Variants in RUFY1 observed in about 807,000 individuals in gnomAD.
The protein encoded by RUFY1 is RUN and FYVE domain-containing protein 1.
RUFY1 carries 54 observed loss-of-function variants against 94.6 expected under a neutral mutation model. The observed-to-expected ratio is 0.57, with a 90% CI of 0.46 to 0.72. The LOEUF is 0.72. Among genes scored for constraint, RUFY1 ranks in the 30% least tolerant of loss-of-function variants. The pLI, the probability that RUFY1 is intolerant of heterozygous loss-of-function variation, is 0.00. For synonymous variants in RUFY1, 396 were observed against 347.3 expected (o/e 1.14, Z -1.56); for missense variants, 883 against 883.9 (o/e 1.00, Z 0.01).
chr5:179,580,748 C>A (rs1403411354), intron 6 of RUFY1, among the ~76,000 whole-genome samples, 199 bp from the exon 7 acceptor site: 2 of 152,016 alleles, frequency 1.3e-5, no homozygotes, highest in African/African-American at 4.8e-5. Context: ...GGCAGCCTGG[C>A]CCTGGAGACG....
chr5:179,557,299 G>A (rs1046941636), intron 1 of RUFY1, among the ~76,000 whole-genome samples: 12 of 152,154 alleles, frequency 7.9e-5, no homozygotes, highest in African/African-American at 2.7e-4. Flanking sequence ...GCATGGTGGC[G>A]GGCACCTGTA....
At chr5:179,600,028 G>A (rs1766182198) in intron 14 of RUFY1, 1 of 152,264 alleles carries the variant, frequency 6.6e-6, no homozygotes, top group African/African-American at 2.4e-5. Flanking sequence ...GAAGTGGAGG[G>A]CAGAAGAGGA....
At position 179,560,105 on chromosome 5, in the gene RUFY1, G is replaced by T; in HGVS notation, c.391G>T (p.Ala131Ser). The change falls in exon 2 of 18, where the codon GCT becomes TCT. Residue 131 changes from alanine (A) to serine (S), a missense_variant. Ala to Ser is a moderately conservative substitution (Grantham distance 99, BLOSUM62 1). Transcript: ENST00000319449. ...KLSIKVLLQS[A>S]LSLGRSLDAD... ...CAGCATCAAGGTGTTGCTCCAGTCGGCTCTGAGCCTGGGCCGCAGCCTGGA... is the reference window on the plus strand; with the variant it reads ...CAGCATCAAGGTGTTGCTCCAGTCGTCTCTGAGCCTGGGCCGCAGCCTGGA... 1 of 1,614,068 alleles carries T rather than the reference G, an allele frequency of 6.2e-7. No individual in the cohort carries two copies. Among genetic ancestry groups the T allele is most frequent in the Non-Finnish European group, 8.5e-7 (1 of 1,180,000 alleles).
At chr5:179,589,254 G>T in intron 8 of RUFY1, 2 of 334,884 alleles carry the variant, frequency 6.0e-6, no homozygotes, top group Non-Finnish European at 1.1e-5. Flanking sequence ...CTAATTTTTT[G>T]TGTCTATAAA....
At position 179,580,895 on chromosome 5, in the gene RUFY1, G is replaced by C. The variant is rs1581485041; in HGVS notation, c.891-52G>C. ...TGGAATATTGGGGAACAGTTACAAAGTATTAACCATTAATAAAAAAAAGTT... is the reference window on the plus strand; with the variant it reads ...TGGAATATTGGGGAACAGTTACAAACTATTAACCATTAATAAAAAAAAGTT... On this transcript the variant is annotated intron_variant, in intron 6 of 17. Coordinates refer to ENST00000319449, the MANE Select transcript of RUFY1 (RefSeq NM_025158.5). 4 of 996,440 alleles carry C rather than the reference G, an allele frequency of 4.0e-6. No homozygotes were observed. In the East Asian group the frequency reaches 9.6e-5, roughly 24 times the overall value. The allele number at this position is 996,440 out of a possible 1,614,324, so 61.7% of individuals were successfully genotyped here. A position where few individuals can be genotyped will look rare whatever the true frequency, so the allele number is the denominator to read the frequency against.
intron 10 of RUFY1, among the ~76,000 whole-genome samples, chr5:179,591,962 T>C (rs1203025433): frequency 2.0e-5 from 3 of 152,236 alleles, no homozygotes; most frequent in African/African-American, 7.2e-5. Context: ...GGGTTTTTTT[T>C]CAAGACGGAG....
At chr5:179,589,975 C>T (rs1193126472) in intron 9 of RUFY1, among the ~76,000 whole-genome samples, 1 of 152,164 alleles carries the variant, frequency 6.6e-6, no homozygotes, top group African/African-American at 2.4e-5. Flanking sequence ...TCCCATTGCT[C>T]TTTGTGTCCT....
chr5:179,555,645 T>TTTTTC, intron 1 of RUFY1: 1 of 258,398 alleles, frequency 3.9e-6, no homozygotes, highest in African/African-American at 3.3e-5. Context: ...TTTTTTTTTT[T>TTTTTC]TGAGCCGGCG....
chr5:179,572,222 G>A, intron 5 of RUFY1: 1 of 297,232 alleles, frequency 3.4e-6, no homozygotes, highest in Non-Finnish European at 6.9e-6. Context: ...CCTGGTGGAT[G>A]GCGCCTTCCA....
intron 3 of RUFY1, among the ~76,000 whole-genome samples, chr5:179,564,220 A>G (rs28607444): frequency 0.41 from 60,949 of 147,712 alleles, 12,887 homozygotes; most frequent in East Asian, 0.73. Context: ...CCTGGGTTCC[A>G]GCGATTCTCC....
At chr5:179,579,598 C>G (rs959341232) in intron 6 of RUFY1, among the ~76,000 whole-genome samples, 3 of 149,632 alleles carry the variant, frequency 2.0e-5, no homozygotes, top group African/African-American at 4.9e-5. Flanking sequence ...TCCCAAAGTA[C>G]TGGGATTACA....
intron 1 of RUFY1, among the ~76,000 whole-genome samples, chr5:179,559,515 G>A (rs972846396): frequency 1.3e-5 from 2 of 152,198 alleles, no homozygotes; most frequent in Admixed American, 1.3e-4. Context: ...CTTCTGGGCG[G>A]GGTGCGCATC....
At chr5:179,559,859 A>C (rs1581422763) in intron 1 of RUFY1, 166 bp from the exon 2 acceptor site, 1 of 1,413,668 alleles carries the variant, frequency 7.1e-7, no homozygotes, top group Non-Finnish European at 9.2e-7. Context: ...GCCTCTAGGG[A>C]TCAGGGACTA....
At chr5:179,589,417 AAAC>A in intron 8 of RUFY1, 126 bp from the exon 9 acceptor site, 1 of 647,904 alleles carries the variant, frequency 1.5e-6, no homozygotes, top group Non-Finnish European at 2.8e-6. Flanking sequence ...TACCTATTGA[AAAC>A]AAGGAAATAA....
chr5:179,578,940 G>A (rs542887188), intron 6 of RUFY1, among the ~76,000 whole-genome samples: 3 of 152,226 alleles, frequency 2.0e-5, no homozygotes, highest in African/African-American at 2.4e-5. Flanking sequence ...CACCGCTCCC[G>A]GCCCCATTTA....
chr5:179,595,006 G>A lies in RUFY1; in HGVS notation c.1511+43G>A, dbSNP rs377451901. On this transcript the variant is annotated intron_variant, in intron 12 of 17. Transcript: ENST00000319449. ...GCAGATATTCTCGGGAAGGCTCTGA[G>A]CATTCCCTGGGCCTGGAGACTTATT... 3.7e-5 allele frequency: 51 copies of A among 1,379,182 alleles called. No individual in the cohort carries two copies. In the African/African-American group the frequency reaches 6.2e-4, roughly 17 times the overall value. The allele number at this position is 1,379,182 out of a possible 1,614,324, so 85.4% of individuals were successfully genotyped here. A position where few individuals can be genotyped will look rare whatever the true frequency, so the allele number is the denominator to read the frequency against.
At chr5:179,557,384 C>G (rs1259670255) in intron 1 of RUFY1, among the ~76,000 whole-genome samples, 1 of 152,094 alleles carries the variant, frequency 6.6e-6, no homozygotes, top group Non-Finnish European at 1.5e-5. Context: ...GAGCCAAGAT[C>G]GTGCCATTGC....
rs1034414014 is a variant in RUFY1, at chr5:179,567,561, A to C, written c.703A>C (p.Ser235Arg). 6.3e-7 allele frequency: 1 copy of C among 1,593,714 alleles called. No homozygotes were observed. Among genetic ancestry groups the C allele is most frequent in the East Asian group, 2.2e-5 (1 of 44,786 alleles). The stretch of plus-strand genomic sequence containing the variant: ...GCTTATAGACAATAAACATCTCTTA[A>C]GGTATTTCATCAACCATGTTTGCTT... ...KVLIDNKHLL[S>R]EFYEPEALMM... The change falls in exon 4 of 18, where the codon AGC becomes CGC. Residue 235 changes from serine (S) to arginine (R), a missense_variant and splice_region_variant. Coordinates refer to ENST00000319449, the MANE Select transcript of RUFY1 (RefSeq NM_025158.5).
At chr5:179,578,733 T>A (rs1763856706) in intron 6 of RUFY1, among the ~76,000 whole-genome samples, 1 of 152,082 alleles carries the variant, frequency 6.6e-6, no homozygotes. Context: ...AACCTCCACC[T>A]CCCAGGTTCA....
Sources: gnomAD v4.1 joint callset for allele counts (sites outside exome capture counted in the v4.1 genomes callset) on GRCh38, gnomAD v4.1.1 for gene constraint, MANE v1.5 for transcripts, NCBI Gene and HGNC (gene_info 2026-07-23, HGNC 2026-07-21) for gene names.